Variants in AGBL1 observed in about 807,000 individuals in gnomAD.
The protein encoded by AGBL1 is AGBL carboxypeptidase 1.
In AGBL1, 130 loss-of-function variants were observed where a neutral mutation model predicts 118.9. That is an observed-to-expected ratio of 1.09 (90% CI 0.95 to 1.26). The LOEUF (loss-of-function observed/expected upper bound fraction) is 1.26. AGBL1 is among the 50% of genes most tolerant of loss of function. AGBL1 has a pLI of 0.00. For synonymous variants in AGBL1, 555 were observed against 478.9 expected (o/e 1.16, Z -2.08); for missense variants, 1,584 against 1,298.1 (o/e 1.22, Z -3.38).
At chr15:86,347,258 T>C (rs1285254218) in intron 17 of AGBL1, among the ~76,000 whole-genome samples, 2 of 152,202 alleles carry the variant, frequency 1.3e-5, no homozygotes, top group Non-Finnish European at 2.9e-5. Context: ...ACAACACCCA[T>C]CTTACTAACT....
chr15:86,109,385 A>G (rs1370949310), intron 1 of AGBL1, among the ~76,000 whole-genome samples: 1 of 152,214 alleles, frequency 6.6e-6, no homozygotes, highest in African/African-American at 2.4e-5. Context: ...ACAAAATCAG[A>G]AAAATAATGT....
chr15:86,318,894 G>T (rs1177412690), intron 17 of AGBL1, among the ~76,000 whole-genome samples: 4 of 151,840 alleles, frequency 2.6e-5, no homozygotes, highest in Non-Finnish European at 5.9e-5. Context: ...TAGCTGAGTT[G>T]GCCATAGTTT....
chr15:86,148,889 T>A (rs577122395), intron 3 of AGBL1, among the ~76,000 whole-genome samples: 24 of 152,252 alleles, frequency 1.6e-4, no homozygotes, highest in African/African-American at 5.1e-4. Context: ...AAGGTCAAGT[T>A]ACCCACAAAG....
intron 22 of AGBL1, among the ~76,000 whole-genome samples, chr15:86,883,522 C>T (rs985606678): frequency 2.0e-5 from 3 of 152,162 alleles, no homozygotes; most frequent in Non-Finnish European, 4.4e-5. Flanking sequence ...TCCTGCCTCC[C>T]CCTGACAGAG....
intron 18 of AGBL1, among the ~76,000 whole-genome samples, chr15:86,497,208 G>T (rs767323698): frequency 1.3e-5 from 2 of 151,770 alleles, no homozygotes; most frequent in African/African-American, 2.4e-5. Flanking sequence ...TTTGCATCTC[G>T]CTTCCCTTCT....
At position 86,615,950 on chromosome 15, in the gene AGBL1, C is replaced by T. The variant is rs11857478; in HGVS notation, c.2995-58323C>T. 0.014 allele frequency among the ~76,000 whole-genome samples: 2,200 copies of T among 152,044 alleles called. 61 individuals are homozygous for T. Among genetic ancestry groups the T allele is most frequent in the African/African-American group, 0.051 (2,103 of 41,446 alleles). On this transcript the variant is annotated intron_variant, in intron 21 of 22. Transcript: ENST00000614907. This position sits in a 1 kb window ranked among gnomAD's most constrained non-coding sequence, Gnocchi z 4.3. Reference sequence around the variant, plus strand: ...AGGAAATAAAAAAAAAATACTCCCACGGAAGTGGAAGGTAAACCACAGAAG... The same window carrying T: ...AGGAAATAAAAAAAAAATACTCCCATGGAAGTGGAAGGTAAACCACAGAAG...
At chr15:86,250,143 T>C (rs2078787512) in intron 7 of AGBL1, among the ~76,000 whole-genome samples, 1 of 152,110 alleles carries the variant, frequency 6.6e-6, no homozygotes, top group Non-Finnish European at 1.5e-5. Context: ...ATCTGTCACC[T>C]GGAAGAGTGT....
At chr15:86,192,143 C>G (rs994864846) in intron 5 of AGBL1, among the ~76,000 whole-genome samples, 1 of 151,412 alleles carries the variant, frequency 6.6e-6, no homozygotes, top group African/African-American at 2.4e-5. Flanking sequence ...CACACACATG[C>G]ACGCATGCAC....
At chr15:86,402,650 C>A (rs80250045) in intron 18 of AGBL1, among the ~76,000 whole-genome samples, 5,456 of 152,188 alleles carry the variant, frequency 0.036, 165 homozygotes, top group African/African-American at 0.084. Flanking sequence ...TCTCTCTCAC[C>A]AATAAAAATG....
intron 1 of AGBL1, among the ~76,000 whole-genome samples, chr15:86,137,453 A>G (rs1333554259): frequency 6.6e-6 from 1 of 152,132 alleles, no homozygotes; most frequent in Non-Finnish European, 1.5e-5. Flanking sequence ...TTTAAGTAAG[A>G]TATTCATTAT....
At chr15:86,151,223 C>A (rs914218030) in intron 3 of AGBL1, among the ~76,000 whole-genome samples, 1 of 151,152 alleles carries the variant, frequency 6.6e-6, no homozygotes, top group Non-Finnish European at 1.5e-5. Flanking sequence ...GTGGGTGCAG[C>A]GCACCAGCAT....
rs76795501 is a variant in AGBL1, at chr15:86,271,757, C to T, written c.2075+51C>T. 2,516 of 1,486,482 alleles carry T rather than the reference C, an allele frequency of 1.7e-3. 69 individuals carry two copies. In the East Asian group the frequency reaches 0.052, roughly 31 times the overall value. The allele number at this position is 1,486,482 out of a possible 1,614,324, so 92.1% of individuals were successfully genotyped here. ...TTTTCTCTGTCCTGTAATTTTCTCTCAATTTCCCACTTTTCCATATTGATC... is the reference window on the plus strand; with the variant it reads ...TTTTCTCTGTCCTGTAATTTTCTCTTAATTTCCCACTTTTCCATATTGATC... On this transcript the variant is annotated intron_variant, in intron 15 of 22. Transcript: ENST00000614907.
chr15:86,754,526 CT>C (rs2077905259), intron 22 of AGBL1, among the ~76,000 whole-genome samples: 1 of 151,984 alleles, frequency 6.6e-6, no homozygotes, highest in South Asian at 2.1e-4. Flanking sequence ...CATGTCAACT[CT>C]TTTGTGTCTG....
At chr15:86,831,509 G>A (rs1163568698) in intron 22 of AGBL1, among the ~76,000 whole-genome samples, 1 of 152,156 alleles carries the variant, frequency 6.6e-6, no homozygotes, top group Admixed American at 6.5e-5. Context: ...CTAAAACAAA[G>A]GGGCTACATG....
chr15:86,792,308 C>A (rs1019824646), intron 22 of AGBL1, among the ~76,000 whole-genome samples: 1 of 152,066 alleles, frequency 6.6e-6, no homozygotes, highest in Non-Finnish European at 1.5e-5. Flanking sequence ...TTTGATTAAT[C>A]TGGGTAGATT....
intron 1 of AGBL1, among the ~76,000 whole-genome samples, chr15:86,110,464 T>C (rs1341215703): frequency 1.3e-5 from 2 of 152,120 alleles, no homozygotes; most frequent in Non-Finnish European, 2.9e-5. Context: ...TGGGAGTGGA[T>C]CATCTTAAGG....
At chr15:86,864,866 A>C (rs1218174368) in intron 22 of AGBL1, among the ~76,000 whole-genome samples, 1 of 152,212 alleles carries the variant, frequency 6.6e-6, no homozygotes, top group African/African-American at 2.4e-5. Flanking sequence ...TTCTGCAATC[A>C]GTCTTATTGG....
intron 5 of AGBL1, among the ~76,000 whole-genome samples, chr15:86,171,717 T>C (rs889544907): frequency 2.6e-5 from 4 of 152,156 alleles, no homozygotes; most frequent in Admixed American, 2.6e-4. Context: ...TATAATCATA[T>C]TGATAAACAA....
chr15:86,979,549 C>T (rs11631303), intron 23 of AGBL1, among the ~76,000 whole-genome samples: 4 of 151,828 alleles, frequency 2.6e-5, no homozygotes, highest in South Asian at 4.2e-4. Flanking sequence ...AGTGCAGTGG[C>T]GCGATCTCGG....
Sources: gnomAD v4.1 joint callset for allele counts (sites outside exome capture counted in the v4.1 genomes callset) on GRCh38, gnomAD v4.1.1 for gene constraint, Gnocchi (gnomAD v3.1) non-coding constraint, MANE v1.5 for transcripts, NCBI Gene and HGNC (gene_info 2026-07-23, HGNC 2026-07-21) for gene names.